RBMS3: variants seen among roughly 807,000 people sequenced by gnomAD.
The protein encoded by RBMS3 is RNA-binding motif, single-stranded-interacting protein 3.
RBMS3 carries 27 observed loss-of-function variants against 66.8 expected under a neutral mutation model. The ratio of observed to expected loss-of-function variants is 0.40; its 90% confidence interval spans 0.30 to 0.56. RBMS3 has a LOEUF of 0.56. Among genes scored for constraint, RBMS3 ranks in the 20% least tolerant of loss-of-function variants. The probability of loss-of-function intolerance (pLI) is 0.40; values close to 1 mark genes in which losing one functional copy is unlikely to be tolerated. For missense variants in RBMS3, 513 were observed against 549.5 expected, an observed-to-expected ratio of 0.93 and a Z score of 0.66; for synonymous variants, 188 against 183.0, an observed-to-expected ratio of 1.03 and a Z score of -0.22.
chr3:29,969,285 G>T (rs549516210), intron 12 of RBMS3, among the ~76,000 whole-genome samples: 2 of 151,996 alleles, frequency 1.3e-5, no homozygotes, highest in Non-Finnish European at 2.9e-5. Flanking sequence ...AACTGATTTC[G>T]TCTCTTGCTT....
intron 6 of RBMS3, among the ~76,000 whole-genome samples, chr3:29,840,591 T>C (rs2058637280): frequency 6.6e-6 from 1 of 152,028 alleles, no homozygotes; most frequent in Non-Finnish European, 1.5e-5. Flanking sequence ...TTAGTAGTTT[T>C]ATGGAAAAAT....
intron 12 of RBMS3, among the ~76,000 whole-genome samples, chr3:29,946,808 G>T (rs1435860849): frequency 6.6e-6 from 1 of 151,608 alleles, no homozygotes; most frequent in African/African-American, 2.4e-5. Flanking sequence ...ATTTTGAGGG[G>T]TAGTAGTGGG....
intron 1 of RBMS3, among the ~76,000 whole-genome samples, chr3:29,312,748 T>G (rs1035778875): frequency 6.6e-6 from 1 of 151,422 alleles, no homozygotes; most frequent in Non-Finnish European, 1.5e-5. Context: ...AATATAGAGA[T>G]GAAGTCCCGT....
intron 4 of RBMS3, among the ~76,000 whole-genome samples, chr3:29,649,519 G>A (rs2050066342): frequency 6.6e-6 from 1 of 152,132 alleles, no homozygotes; most frequent in African/African-American, 2.4e-5. Flanking sequence ...GCATTACTTA[G>A]GCTCTTACAA....
intron 1 of RBMS3, among the ~76,000 whole-genome samples, chr3:29,309,431 T>C (rs2034232970): frequency 6.6e-6 from 1 of 151,806 alleles, no homozygotes; most frequent in Admixed American, 6.6e-5. Context: ...TTTGGGCGTA[T>C]TTGTATCATA....
intron 3 of RBMS3, among the ~76,000 whole-genome samples, chr3:29,505,784 G>A (rs1448218043): frequency 6.6e-6 from 1 of 150,838 alleles, no homozygotes; most frequent in African/African-American, 2.4e-5. Context: ...TAATGTACAG[G>A]CCTTTCATCT....
intron 1 of RBMS3, among the ~76,000 whole-genome samples, chr3:29,336,329 T>C (rs1394854293): frequency 6.6e-6 from 1 of 152,182 alleles, no homozygotes; most frequent in African/African-American, 2.4e-5. Context: ...AGTTGTGTTT[T>C]TTTGCAAGGC....
At chr3:29,400,673 T>C (rs2039769245) in intron 1 of RBMS3, among the ~76,000 whole-genome samples, 1 of 151,956 alleles carries the variant, frequency 6.6e-6, no homozygotes, top group African/African-American at 2.4e-5. Context: ...TTAAACCAGG[T>C]GGCATAGTGA....
chr3:29,597,556 T>G (rs1313558900), intron 4 of RBMS3, among the ~76,000 whole-genome samples: 1 of 152,152 alleles, frequency 6.6e-6, no homozygotes, highest in East Asian at 1.9e-4. Flanking sequence ...TTTGAATGAC[T>G]TAACCACACC....
chr3:29,630,257 G>C (rs1021354997), intron 4 of RBMS3, among the ~76,000 whole-genome samples: 1 of 151,962 alleles, frequency 6.6e-6, no homozygotes, highest in South Asian at 2.1e-4. Context: ...TTTTAATTCT[G>C]TCGTACAGCA....
At chr3:29,461,076 C>T (rs1174043900) in intron 2 of RBMS3, among the ~76,000 whole-genome samples, 12 of 152,200 alleles carry the variant, frequency 7.9e-5, no homozygotes, top group Non-Finnish European at 1.5e-4. Context: ...ACAAATTTTA[C>T]TCACTATTTG....
At chr3:29,693,550 T>C (rs1019910058) in intron 4 of RBMS3, among the ~76,000 whole-genome samples, 1 of 152,192 alleles carries the variant, frequency 6.6e-6, no homozygotes, top group African/African-American at 2.4e-5. Context: ...GGTAAATGAC[T>C]GAGTTTTCTT....
At chr3:29,420,909 C>T (rs1314978138) in intron 1 of RBMS3, among the ~76,000 whole-genome samples, 15 of 149,574 alleles carry the variant, frequency 1.0e-4, no homozygotes, top group African/African-American at 3.0e-4. Context: ...TTGAGACCAT[C>T]CTGGCTAACA....
chr3:29,543,358 GA>G (rs35411008), intron 3 of RBMS3, among the ~76,000 whole-genome samples: 7,108 of 151,862 alleles, frequency 0.047, 208 homozygotes, highest in South Asian at 0.1. Context: ...AAAATGTTCT[GA>G]AAAAAATCAA....
intron 3 of RBMS3, among the ~76,000 whole-genome samples, chr3:29,567,414 A>G (rs1009146898): frequency 2.4e-4 from 37 of 152,146 alleles, no homozygotes; most frequent in Admixed American, 2.0e-4. Context: ...ACTCATGCTT[A>G]CTTACTGATT....
intron 4 of RBMS3, among the ~76,000 whole-genome samples, chr3:29,626,381 T>C (rs74628346): frequency 0.086 from 13,042 of 152,186 alleles, 1,024 homozygotes; most frequent in East Asian, 0.35. Context: ...TAAAAGCCTA[T>C]GAATTTTGGC....
intron 1 of RBMS3, among the ~76,000 whole-genome samples, chr3:29,355,761 A>G (rs925135834): frequency 2.6e-5 from 4 of 152,066 alleles, no homozygotes; most frequent in Admixed American, 6.6e-5. Flanking sequence ...TTTCCCCCAC[A>G]AAGAAAAAAT....
At chr3:29,849,086 C>G (rs2058861921) in intron 6 of RBMS3, among the ~76,000 whole-genome samples, 1 of 151,994 alleles carries the variant, frequency 6.6e-6, no homozygotes, top group South Asian at 2.1e-4. Flanking sequence ...GATATACACT[C>G]AGGTCTATTC....
rs145429464 is a variant in RBMS3, at chr3:29,404,635, G to T, written c.76-30108G>T. Among the ~76,000 whole-genome samples the T allele has an allele frequency of 4.0e-3, 611 of 152,118 alleles. 6 individuals carry two copies. Among genetic ancestry groups the T allele is most frequent in the African/African-American group, 0.014 (575 of 41,508 alleles). On this transcript the variant is annotated intron_variant, in intron 1 of 14. Transcript: ENST00000383767. Reference sequence around the variant, plus strand: ...AAATATTACTTCCTGGGTAGCTCTGGACTCTCCAGTGAAACCCCTTACTGC... The same window carrying T: ...AAATATTACTTCCTGGGTAGCTCTGTACTCTCCAGTGAAACCCCTTACTGC...
Sources: gnomAD v4.1 joint callset for allele counts (sites outside exome capture counted in the v4.1 genomes callset) on GRCh38, gnomAD v4.1.1 for gene constraint, MANE v1.5 for transcripts, NCBI Gene and HGNC (gene_info 2026-07-23, HGNC 2026-07-21) for gene names.